The following VAMP7 variants were observed in gnomAD, a reference collection of about 807,000 sequenced individuals.
VAMP7 encodes vesicle associated membrane protein 7.
A neutral mutation model predicts 29.6 loss-of-function variants in VAMP7; 14 were observed. The observed-to-expected ratio is 0.47, with a 90% CI of 0.31 to 0.74. VAMP7 has a LOEUF of 0.74. Among genes scored for constraint, VAMP7 ranks in the 30% least tolerant of loss-of-function variants. The pLI, the probability that VAMP7 is intolerant of heterozygous loss-of-function variation, is 0.05. For synonymous variants in VAMP7, 95 were observed against 88.1 expected (o/e 1.08, Z -0.44); for missense variants, 223 against 262.4 (o/e 0.85, Z 1.04).
At chrX:155,904,887 C>CATAT (rs980522076) in intron 5 of VAMP7, among the ~76,000 whole-genome samples, 1 of 128,048 alleles carries the variant, frequency 7.8e-6, no homozygotes, top group African/African-American at 3.1e-5. Context: ...TTTGTGTGAG[C>CATAT]ATATATATAT....
At chrX:155,911,701 G>A (rs2066240155) in intron 5 of VAMP7, among the ~76,000 whole-genome samples, 1 of 151,846 alleles carries the variant, frequency 6.6e-6, no homozygotes, top group Non-Finnish European at 1.5e-5. Flanking sequence ...TATTTTATAT[G>A]TTCATAACTA....
intron 6 of VAMP7, among the ~76,000 whole-genome samples, chrX:155,924,223 T>C (rs2066437221): frequency 6.6e-6 from 1 of 152,188 alleles, no homozygotes; most frequent in Non-Finnish European, 1.5e-5. Flanking sequence ...CCATACAAAT[T>C]GCCCATTTAA....
Position 155,942,198 on chromosome X carries a change from T to C in VAMP7, c.*247T>C. 10 of 1,527,054 alleles carry C rather than the reference T, an allele frequency of 6.5e-6. No homozygotes were observed. Among genetic ancestry groups the C allele is most frequent in the Non-Finnish European group, 8.8e-6 (10 of 1,136,454 alleles). 94.6% of individuals were successfully genotyped at this position (1,527,054 alleles called of 1,614,324 possible). On this transcript the variant is annotated 3_prime_UTR_variant, in exon 8 of 8. Transcript: ENST00000286448. ...CTTAAAAAGGCTTTTGTTTATTTCT[T>C]TGGTTTGTTAACTAGTGTCATCTAT... is the stretch of plus-strand genomic sequence containing the variant.
At chrX:155,881,763 G>A (rs2065804491) in intron 1 of VAMP7, among the ~76,000 whole-genome samples, 1 of 152,008 alleles carries the variant, frequency 6.6e-6, no homozygotes, top group Non-Finnish European at 1.5e-5. Flanking sequence ...TCTTGAGATC[G>A]CCAGAGTCTT....
Position 155,942,523 on chromosome X carries a change from A to G in VAMP7, c.*572A>G, listed in dbSNP as rs2066761675. 4.4e-6 allele frequency: 1 copy of G among 225,920 alleles called. No homozygotes were observed. The highest frequency in any genetic ancestry group is 8.8e-6 in the Non-Finnish European group (1 of 114,198). 14.0% of individuals were successfully genotyped at this position (225,920 alleles called of 1,614,324 possible). ...TCAGTTAGATGGGGAACATTTTGCT[A>G]GCCCATTAGAAGCACACAGAATTAT... On this transcript the variant is annotated 3_prime_UTR_variant, in exon 8 of 8. Coordinates refer to ENST00000286448, the MANE Select transcript of VAMP7 (RefSeq NM_005638.6).
At chrX:155,939,876 C>A in intron 7 of VAMP7, 83 bp downstream of exon 7, 1 of 1,167,220 alleles carries the variant, frequency 8.6e-7, no homozygotes, top group Non-Finnish European at 1.3e-6. Context: ...CAATGATTAA[C>A]ACTCTGAAAT....
intron 5 of VAMP7, among the ~76,000 whole-genome samples, chrX:155,907,128 G>A (rs1165804414): frequency 1.3e-5 from 2 of 151,960 alleles, no homozygotes; most frequent in African/African-American, 4.8e-5. Context: ...TCAACCTTGT[G>A]TTTCTGAAAT....
chrX:155,917,621 G>A (rs1397779044), intron 5 of VAMP7, among the ~76,000 whole-genome samples: 2 of 152,140 alleles, frequency 1.3e-5, no homozygotes, highest in Non-Finnish European at 2.9e-5. Flanking sequence ...GTTTGCCTGG[G>A]TATCACCAGC....
At chrX:155,913,536 A>C (rs1476258979) in intron 5 of VAMP7, among the ~76,000 whole-genome samples, 1 of 151,942 alleles carries the variant, frequency 6.6e-6, no homozygotes, top group East Asian at 1.9e-4. Context: ...ATCCATCTTG[A>C]GTTAATTTTT....
chrX:155,922,944 C>T (rs929794304), intron 6 of VAMP7, among the ~76,000 whole-genome samples: 18 of 151,932 alleles, frequency 1.2e-4, no homozygotes, highest in African/African-American at 1.9e-4. Flanking sequence ...CATTATGTCT[C>T]CTTTGTCAGT....
chrX:155,939,894 A>G, intron 7 of VAMP7, 101 bp downstream of exon 7: 3 of 1,028,938 alleles, frequency 2.9e-6, no homozygotes, highest in East Asian at 2.4e-5. Flanking sequence ...AATGAGCTAC[A>G]TATGTCTTTT....
intron 1 of VAMP7, among the ~76,000 whole-genome samples, chrX:155,882,495 C>A (rs1286325321): frequency 1.3e-5 from 2 of 152,156 alleles, no homozygotes; most frequent in Non-Finnish European, 2.9e-5. Flanking sequence ...TGTAACATGA[C>A]TTTTCGTAAA....
intron 6 of VAMP7, among the ~76,000 whole-genome samples, chrX:155,924,471 C>A (rs2066441057): frequency 6.6e-6 from 1 of 152,100 alleles, no homozygotes; most frequent in South Asian, 2.1e-4. Context: ...ACTCTCAGCC[C>A]CTGGTAACTC....
At chrX:155,926,963 G>A (rs2066476945) in intron 6 of VAMP7, among the ~76,000 whole-genome samples, 1 of 152,068 alleles carries the variant, frequency 6.6e-6, no homozygotes, top group African/African-American at 2.4e-5. Flanking sequence ...CGTTAGCTCC[G>A]TCACCTTATA....
rs149254182 is a variant in VAMP7, at chrX:155,934,153, G to A, written c.502-5548G>A. Reference sequence around the variant, plus strand: ...TCAATTTTGGAATAAGTGCGATGTGGTGCTGAGAAGAATGTATATTCTGTT... The same window carrying A: ...TCAATTTTGGAATAAGTGCGATGTGATGCTGAGAAGAATGTATATTCTGTT... On this transcript the variant is annotated intron_variant, in intron 6 of 7. Coordinates refer to ENST00000286448, the MANE Select transcript of VAMP7 (RefSeq NM_005638.6). Among the ~76,000 whole-genome samples the A allele has an allele frequency of 6.6e-3, 1,012 of 152,298 alleles. 4 individuals are homozygous for A. The highest frequency in any genetic ancestry group is 0.014 in the Middle Eastern group (4 of 294).
At chrX:155,922,991 G>A (rs1380550604) in intron 6 of VAMP7, among the ~76,000 whole-genome samples, 1 of 151,750 alleles carries the variant, frequency 6.6e-6, no homozygotes, top group Non-Finnish European at 1.5e-5. Flanking sequence ...TTTTCTGATT[G>A]CTTTAGGGTT....
chrX:155,889,624 T>C lies in VAMP7; in HGVS notation c.146+12T>C, dbSNP rs377413467. ...TACTCACATGGCAAGTGAGTTCTGT[T>C]CTGCATGTGGTAAGGGATGAAAGAA... On this transcript the variant is annotated intron_variant, in intron 2 of 7. Coordinates refer to ENST00000286448, the MANE Select transcript of VAMP7 (RefSeq NM_005638.6). The C allele has an allele frequency of 6.2e-7, 1 of 1,613,496 alleles. No homozygotes were observed. Among genetic ancestry groups the C allele is most frequent in the African/African-American group, 1.3e-5 (1 of 74,916 alleles).
chrX:155,890,965 G>C (rs1177339401), intron 2 of VAMP7, among the ~76,000 whole-genome samples: 1 of 152,104 alleles, frequency 6.6e-6, no homozygotes, highest in Non-Finnish European at 1.5e-5. Context: ...GGATGTTGGG[G>C]TGGCTCTGCC....
chrX:155,898,307 C>T, intron 4 of VAMP7, 58 bp downstream of exon 4: 2 of 1,585,012 alleles, frequency 1.3e-6, no homozygotes, highest in Admixed American at 3.5e-5. Context: ...TACCTTCAAA[C>T]ACTATGAATC....
Sources: gnomAD v4.1 joint callset for allele counts (sites outside exome capture counted in the v4.1 genomes callset) on GRCh38, gnomAD v4.1.1 for gene constraint, MANE v1.5 for transcripts, NCBI Gene and HGNC (gene_info 2026-07-23, HGNC 2026-07-21) for gene names.